Variants in PLD5 observed in about 807,000 individuals in gnomAD.
The protein encoded by PLD5 is inactive phospholipase D5.
Under a neutral mutation model 61.1 loss-of-function variants are expected in PLD5, and 36 were observed. The ratio of observed to expected loss-of-function variants is 0.59; its 90% CI spans 0.45 to 0.78. The LOEUF is 0.78. PLD5 is among the 30% of genes least tolerant of loss of function. The probability of loss-of-function intolerance (pLI) is 0.00; values close to 1 mark genes in which losing one functional copy is unlikely to be tolerated. For missense variants in PLD5, 515 were observed against 644.4 expected (o/e 0.80, Z 2.17); for synonymous variants, 243 against 242.8 (o/e 1.00, Z -0.01).
chr1:242,130,804 T>C (rs1574356974), intron 5 of PLD5, among the ~76,000 whole-genome samples: 1 of 152,296 alleles, frequency 6.6e-6, no homozygotes, highest in East Asian at 1.9e-4. Flanking sequence ...AATGATTGAC[T>C]GAATGGTTCA....
At chr1:242,324,131 G>A (rs1333217059) in intron 2 of PLD5, among the ~76,000 whole-genome samples, 2 of 151,726 alleles carry the variant, frequency 1.3e-5, no homozygotes, top group South Asian at 2.1e-4. Flanking sequence ...TCACAACAAA[G>A]CAATTTGTTG....
chr1:242,423,631 G>A lies in PLD5; in HGVS notation c.190-75389C>T, dbSNP rs367929724. On this transcript the variant is annotated intron_variant, in intron 1 of 9. Coordinates refer to ENST00000536534, the MANE Select transcript of PLD5 (RefSeq NM_001372062.1). ...AGCCTGGGCAACATATTGAGACCCC[G>A]TCTTTATTTAAAAAAATGAGAATAA... is the stretch of plus-strand genomic sequence containing the variant. Among the ~76,000 whole-genome samples, 466 of 152,120 alleles carry A rather than the reference G, an allele frequency of 3.1e-3. 3 individuals carry two copies. The highest frequency in any genetic ancestry group is 5.3e-3 in the Non-Finnish European group (358 of 67,986).
intron 2 of PLD5, among the ~76,000 whole-genome samples, chr1:242,314,991 G>A (rs1204011752): frequency 6.6e-6 from 1 of 152,180 alleles, no homozygotes; most frequent in East Asian, 1.9e-4. Flanking sequence ...TAGAAGAGCT[G>A]TGCATTTTCC....
rs1180141130 is a variant in PLD5 at position 242,207,449 on chromosome 1, T to C, written c.735+12539A>G. On this transcript the variant is annotated intron_variant, in intron 5 of 9. Transcript: ENST00000536534. The stretch of plus-strand genomic sequence containing the variant: ...CTGGGCATCTGCATTGGTCCCAAGC[T>C]TATTCTTGCCTTTTCCAGTTCTATG... 2.0e-5 allele frequency among the ~76,000 whole-genome samples: 3 copies of C among 152,112 alleles called. No homozygotes were observed. The East Asian group carries it at 5.8e-4, about 29-fold the overall frequency.
chr1:242,375,723 G>T (rs533472065), intron 1 of PLD5, among the ~76,000 whole-genome samples: 11 of 152,190 alleles, frequency 7.2e-5, no homozygotes, highest in Admixed American at 4.6e-4. Flanking sequence ...AAACGGAAGG[G>T]CCAGAAGAGT....
intron 8 of PLD5, among the ~76,000 whole-genome samples, chr1:242,102,655 T>G (rs1660771948): frequency 6.6e-6 from 1 of 152,150 alleles, no homozygotes; most frequent in Non-Finnish European, 1.5e-5. Flanking sequence ...GCTTTGTCAG[T>G]GCTCCCAGGC....
At chr1:242,331,082 C>T (rs974147450) in intron 2 of PLD5, among the ~76,000 whole-genome samples, 1 of 152,094 alleles carries the variant, frequency 6.6e-6, no homozygotes, top group Non-Finnish European at 1.5e-5. Context: ...TATGCTATTT[C>T]CACACTGCAT....
At position 242,155,206 on chromosome 1, in the gene PLD5, A is replaced by AT. The variant is rs912241541; in HGVS notation, c.736-30542dup. ...GATCCGTGGTGATATCCCCTGTATA[A>AT]TTTTTTTTGTGTGTCTATTTGATTC... On this transcript the variant is annotated intron_variant, in intron 5 of 9. Transcript: ENST00000536534. Among the ~76,000 whole-genome samples the AT allele has an allele frequency of 2.7e-4, 41 of 151,818 alleles. 1 individual carries two copies. Among genetic ancestry groups the AT allele is most frequent in the Admixed American group, 9.2e-4 (14 of 15,242 alleles).
At chr1:242,523,449 G>T (rs1482794470) in intron 1 of PLD5, among the ~76,000 whole-genome samples, 1 of 151,474 alleles carries the variant, frequency 6.6e-6, no homozygotes, top group African/African-American at 2.4e-5. Context: ...CCCTCTCACC[G>T]GCTCCCACCC....
intron 1 of PLD5, among the ~76,000 whole-genome samples, chr1:242,415,670 G>A (rs1378348990): frequency 2.6e-5 from 4 of 151,832 alleles, no homozygotes; most frequent in East Asian, 2.0e-4. Context: ...CCGCCACCAC[G>A]CCCGGCCAAA....
In PLD5 at chr1:242,146,225, G is replaced by A. The variant is rs116408752; in HGVS notation, c.736-21560C>T. ...TGTTGTTACCCTTTGCTCACAGTTC[G>A]CTTTCTTTTCTTCTTCCTGGCATTA... On this transcript the variant is annotated intron_variant, in intron 5 of 9. Coordinates refer to ENST00000536534, the MANE Select transcript of PLD5 (RefSeq NM_001372062.1). 2.6e-3 allele frequency among the ~76,000 whole-genome samples: 398 copies of A among 152,218 alleles called. 1 individual carries two copies. The highest frequency in any genetic ancestry group is 9.0e-3 in the African/African-American group (372 of 41,538).
intron 1 of PLD5, among the ~76,000 whole-genome samples, chr1:242,407,531 A>G (rs1664298664): frequency 6.7e-6 from 1 of 150,316 alleles, no homozygotes; most frequent in African/African-American, 2.5e-5. Flanking sequence ...CATATACACA[A>G]ATACATAGTT....
At chr1:242,114,599 C>T (rs1440922078) in intron 6 of PLD5, among the ~76,000 whole-genome samples, 1 of 152,236 alleles carries the variant, frequency 6.6e-6, no homozygotes, top group East Asian at 1.9e-4. Context: ...TTTACAGCCG[C>T]TCCCCCTTGC....
chr1:242,515,315 C>A (rs1471673318), intron 1 of PLD5, among the ~76,000 whole-genome samples: 3 of 152,154 alleles, frequency 2.0e-5, no homozygotes, highest in African/African-American at 7.2e-5. Context: ...CAGATACAAG[C>A]AATTCTCCTG....
At position 242,100,775 on chromosome 1, in the gene PLD5, A is replaced by C; in HGVS notation, c.1247T>G (p.Phe416Cys). Residue 416 changes from phenylalanine to cysteine, a missense_variant, in exon 9 of 10, where the codon TTT (phenylalanine) becomes TGT (cysteine). Around this residue, in one of 2 missense-constraint regions of PLD5, gnomAD observed 450 missense variants for 598.1 expected, o/e 0.75. Transcript: ENST00000536534. Reference protein sequence around the residue: ...IANCSLKVKFFDLERENACAT... With the variant: ...IANCSLKVKFCDLERENACAT... Reference sequence around the variant, plus strand: ...ACAAGCATTCTCTCTTTCCAGATCAAAAAATTTCTGTAAGAAAAAAAAAAA... The same window carrying C: ...ACAAGCATTCTCTCTTTCCAGATCACAAAATTTCTGTAAGAAAAAAAAAAA... The C allele has an allele frequency of 1.2e-6, 2 of 1,611,084 alleles. No homozygotes were observed. The highest frequency in any genetic ancestry group is 1.7e-6 in the Non-Finnish European group (2 of 1,178,784).
At chr1:242,166,146 C>T (rs1666287755) in intron 5 of PLD5, among the ~76,000 whole-genome samples, 1 of 152,286 alleles carries the variant, frequency 6.6e-6, no homozygotes, top group Non-Finnish European at 1.5e-5. Flanking sequence ...GGGGAGAACA[C>T]AAGGCTGGGC....
intron 3 of PLD5, among the ~76,000 whole-genome samples, chr1:242,286,331 T>C (rs973238017): frequency 1.3e-5 from 2 of 152,056 alleles, no homozygotes; most frequent in African/African-American, 2.4e-5. Context: ...GGTTGGTATA[T>C]TGGTGATTAT....
intron 4 of PLD5, among the ~76,000 whole-genome samples, chr1:242,233,480 G>A (rs777466303): frequency 1.4e-4 from 21 of 151,718 alleles, no homozygotes; most frequent in Non-Finnish European, 2.8e-4. Context: ...TATTAGAAGA[G>A]ACTGATTTCT....
intron 7 of PLD5, among the ~76,000 whole-genome samples, chr1:242,111,629 A>C (rs1381690665): frequency 6.6e-6 from 1 of 152,254 alleles, no homozygotes; most frequent in African/African-American, 2.4e-5. Flanking sequence ...TATTTATTAA[A>C]GTTGAATTCA....
Sources: gnomAD v4.1 joint callset for allele counts (sites outside exome capture counted in the v4.1 genomes callset) on GRCh38, gnomAD v4.1.1 for gene constraint, gnomAD v4.1.1 regional missense constraint, MANE v1.5 for transcripts, NCBI Gene and HGNC (gene_info 2026-07-23, HGNC 2026-07-21) for gene names.